The following SIAE variants were observed in gnomAD, a reference collection of about 807,000 sequenced individuals.
SIAE encodes the protein sialate O-acetylesterase.
SIAE carries 39 observed loss-of-function variants against 52.6 expected under a neutral mutation model. The observed-to-expected ratio is 0.74, with a 90% CI of 0.57 to 0.97. The LOEUF is 0.97. SIAE is among the 50% of genes least tolerant of loss of function. The pLI, the probability that SIAE is intolerant of heterozygous loss-of-function variation, is 0.00. For missense variants in SIAE, 592 were observed against 662.1 expected, an observed-to-expected ratio of 0.89 and a Z score of 1.16; for synonymous variants, 233 against 241.4, an observed-to-expected ratio of 0.97 and a Z score of 0.32.
chr11:124,648,654 G>A (rs1018344219), intron 5 of SIAE, among the ~76,000 whole-genome samples: 6 of 152,076 alleles, frequency 3.9e-5, no homozygotes, highest in Admixed American at 3.9e-4. Flanking sequence ...TGAAACTGCT[G>A]TGTCAAAGGG....
chr11:124,671,173 G>A lies in SIAE; in HGVS notation c.68-1652C>T, dbSNP rs193025942. ...CTGTGCTGGGCTAAAGAGTTTTAGA[G>A]GTGGAAAGGATCTTCATAATCGTAG... On this transcript the variant is annotated intron_variant, in intron 1 of 9. Coordinates refer to ENST00000263593, the MANE Select transcript of SIAE (RefSeq NM_170601.5). Among the ~76,000 whole-genome samples the A allele has an allele frequency of 2.6e-5, 4 of 152,234 alleles. No individual in the cohort carries two copies. The East Asian group carries it at 5.8e-4, about 22-fold the overall frequency.
chr11:124,646,302 T>TACTA (rs1942933230), intron 7 of SIAE, among the ~76,000 whole-genome samples: 1 of 152,194 alleles, frequency 6.6e-6, no homozygotes, highest in African/African-American at 2.4e-5. Flanking sequence ...CGAGTGCCAA[T>TACTA]CAACTACATA....
At chr11:124,638,964 G>A (rs1352262192) in intron 8 of SIAE, among the ~76,000 whole-genome samples, 2 of 152,084 alleles carry the variant, frequency 1.3e-5, no homozygotes, top group Non-Finnish European at 2.9e-5. Flanking sequence ...TGACTTGGAA[G>A]GAAGGAATAA....
chr11:124,672,997 C>G (rs1943390195), intron 1 of SIAE, among the ~76,000 whole-genome samples: 1 of 152,144 alleles, frequency 6.6e-6, no homozygotes, highest in Non-Finnish European at 1.5e-5. Flanking sequence ...CTAGGGTATT[C>G]GAATGGCAAG....
chr11:124,656,650 TTTAG>T (rs1943104324), intron 3 of SIAE, among the ~76,000 whole-genome samples: 1 of 145,686 alleles, frequency 6.9e-6, no homozygotes, highest in Non-Finnish European at 1.5e-5. Context: ...ATCCTGACTT[TTTAG>T]TTATTTTTTT....
chr11:124,638,756 G>C lies in SIAE; in HGVS notation c.1125-19C>G. ...GTGGATGCTACAGGATAAGGAACAAGTAGAGAACTTTGGGTTTAAGCTCAA... is the reference window on the plus strand; with the variant it reads ...GTGGATGCTACAGGATAAGGAACAACTAGAGAACTTTGGGTTTAAGCTCAA... On this transcript the variant is annotated intron_variant, in intron 8 of 9. Transcript: ENST00000263593. 2 of 1,609,786 alleles carry C rather than the reference G, an allele frequency of 1.2e-6. No homozygotes were observed. Among genetic ancestry groups the C allele is most frequent in the South Asian group, 1.1e-5 (1 of 90,912 alleles).
intron 2 of SIAE, among the ~76,000 whole-genome samples, chr11:124,661,031 A>T (rs1465446100): frequency 1.3e-5 from 2 of 152,242 alleles, no homozygotes; most frequent in Admixed American, 6.5e-5. Flanking sequence ...TTACAAAAAA[A>T]GTAAGTTACC....
intron 9 of SIAE, 56 bp downstream of exon 9, chr11:124,638,486 G>C: frequency 6.3e-7 from 1 of 1,584,492 alleles, no homozygotes; most frequent in South Asian, 1.1e-5. Context: ...CAAGTGCGGA[G>C]GAAATCTTGA....
rs1942917648 is a variant in SIAE at position 124,645,431 on chromosome 11, A to T, written c.966+1934T>A. On this transcript the variant is annotated intron_variant, in intron 7 of 9. Transcript: ENST00000263593. The surrounding 1 kb of genome is among the most constrained non-coding windows in gnomAD (Gnocchi z 4.7). Reference sequence around the variant, plus strand: ...ATTCTCCTGCCTCAGCCTCCAGAGTAGCTGGGATTACAGGGATGCGCCACC... The same window carrying T: ...ATTCTCCTGCCTCAGCCTCCAGAGTTGCTGGGATTACAGGGATGCGCCACC... 6.6e-6 allele frequency among the ~76,000 whole-genome samples: 1 copy of T among 151,820 alleles called. No individual in the cohort carries two copies. Among genetic ancestry groups the T allele is most frequent in the Non-Finnish European group, 1.5e-5 (1 of 67,962 alleles).
chr11:124,635,940 T>C lies in SIAE; in HGVS notation c.*1011A>G, dbSNP rs1348693602. ...AGGCCTCTTTCATATTTGTATCATC[T>C]GCATTTTTTTTTATATGCTTGTCAT... On this transcript the variant is annotated 3_prime_UTR_variant, in exon 10 of 10. Coordinates refer to ENST00000263593, the MANE Select transcript of SIAE (RefSeq NM_170601.5). The C allele has an allele frequency of 2.0e-5, 3 of 151,790 alleles. No individual in the cohort carries two copies. Among genetic ancestry groups the C allele is most frequent in the Admixed American group, 2.0e-4 (3 of 15,262 alleles). 9.4% of individuals were successfully genotyped at this position (151,790 alleles called of 1,614,324 possible). A position where few individuals can be genotyped will look rare whatever the true frequency, so the allele number is the denominator to read the frequency against.
chr11:124,649,408 G>A (rs1267610965), intron 5 of SIAE, among the ~76,000 whole-genome samples: 7 of 151,978 alleles, frequency 4.6e-5, no homozygotes, highest in Non-Finnish European at 8.8e-5. Flanking sequence ...CTATTACTGG[G>A]GGAAAAGATA....
chr11:124,644,867 C>T (rs763045727), intron 7 of SIAE, among the ~76,000 whole-genome samples: 8 of 152,198 alleles, frequency 5.3e-5, no homozygotes, highest in Non-Finnish European at 1.2e-4. Context: ...TCTAGCTGTA[C>T]TCTAGTCACT....
chr11:124,674,478 C>T (rs1943431106), upstream of SIAE: 1 of 152,440 alleles, frequency 6.6e-6, no homozygotes, highest in Admixed American at 6.5e-5. Flanking sequence ...CGCACACTCT[C>T]ACATTAACAG....
Position 124,673,555 on chromosome 11 carries a change from C to A in SIAE, c.67+87G>T, listed in dbSNP as rs2849332. 12 of 1,462,476 alleles carry A rather than the reference C, an allele frequency of 8.2e-6. No individual in the cohort carries two copies. The East Asian group carries it at 2.9e-4, about 36-fold the overall frequency. The allele number at this position is 1,462,476 out of a possible 1,614,324, so 90.6% of individuals were successfully genotyped here. ...TCCTTCGTCGACCTTGAGAAAGGGG[C>A]GCGGATCCGTGTCCCGCAGAGGACA... is the stretch of plus-strand genomic sequence containing the variant. On this transcript the variant is annotated intron_variant, in intron 1 of 9. Coordinates refer to ENST00000263593, the MANE Select transcript of SIAE (RefSeq NM_170601.5).
intron 7 of SIAE, among the ~76,000 whole-genome samples, chr11:124,641,959 CAAAAA>C (rs11327177): frequency 2.5e-5 from 1 of 39,220 alleles, no homozygotes; most frequent in Non-Finnish European, 5.6e-5. Flanking sequence ...GACTCCATCT[CAAAAA>C]AAAAAAAAAA....
chr11:124,648,192 C>A lies in SIAE; in HGVS notation c.723-17G>T, dbSNP rs372571914. On this transcript the variant is annotated splice_polypyrimidine_tract_variant and intron_variant, in intron 5 of 9. Coordinates refer to ENST00000263593, the MANE Select transcript of SIAE (RefSeq NM_170601.5). Reference sequence around the variant, plus strand: ...GGAATGGACCTGAAATCATATGATGCACAAGTGTCACCAGAGAGCCAGTGA... The same window carrying A: ...GGAATGGACCTGAAATCATATGATGAACAAGTGTCACCAGAGAGCCAGTGA... 12 of 1,585,982 alleles carry A rather than the reference C, an allele frequency of 7.6e-6. No individual in the cohort carries two copies. In the African/African-American group the frequency reaches 1.3e-4, roughly 18 times the overall value.
chr11:124,662,157 A>G (rs900935505), intron 2 of SIAE, among the ~76,000 whole-genome samples: 3 of 152,242 alleles, frequency 2.0e-5, no homozygotes, highest in African/African-American at 7.2e-5. Flanking sequence ...CCAAATGTTC[A>G]GTATTGCTTT....
intron 4 of SIAE, among the ~76,000 whole-genome samples, chr11:124,650,575 C>G (rs1373893764): frequency 6.6e-6 from 1 of 152,094 alleles, no homozygotes; most frequent in Non-Finnish European, 1.5e-5. Context: ...GAGTTCGAGA[C>G]CAGCCTGGCC....
rs1324624745 is a variant in SIAE, at chr11:124,669,521, C to T, written c.68G>A (p.Gly23Asp). ...GTATGAAGCAAAGCGAAAACCAATACCTAAAAAATTTAACAAACACTGAGG... is the reference window on the plus strand; with the variant it reads ...GTATGAAGCAAAGCGAAAACCAATATCTAAAAAATTTAACAAACACTGAGG... ...PLILWADRSAGIGFRFASYIN... is the reference protein window; with the variant it reads ...PLILWADRSADIGFRFASYIN... The change falls in exon 2 of 10, where the codon GGT (glycine) becomes GAT (aspartate). Residue 23 changes from glycine to aspartate, a missense_variant and splice_region_variant. Physicochemically the swap from Gly to Asp is moderately conservative, Grantham distance 94. Transcript: ENST00000263593. The T allele has an allele frequency of 1.9e-6, 3 of 1,613,322 alleles. No individual in the cohort carries two copies. The highest frequency in any genetic ancestry group is 2.5e-6 in the Non-Finnish European group (3 of 1,179,954).
Sources: allele counts gnomAD v4.1 joint callset (sites outside exome capture counted in the v4.1 genomes callset), GRCh38; gene constraint gnomAD v4.1.1; non-coding constraint Gnocchi (gnomAD v3.1); transcripts MANE v1.5; gene names NCBI Gene and HGNC (gene_info 2026-07-23, HGNC 2026-07-21).